WDR90: variants seen among roughly 807,000 people sequenced by gnomAD.
WDR90 encodes WD repeat domain 90.
In WDR90, 238 loss-of-function variants were observed where a neutral mutation model predicts 195.2. The ratio of observed to expected loss-of-function variants is 1.22; its 90% CI spans 1.10 to 1.36. WDR90 has a LOEUF of 1.36. WDR90 is among the 40% of genes most tolerant of loss of function. The pLI is 0.00. For missense variants in WDR90, 2,734 were observed against 2,439.5 expected (o/e 1.12, Z -2.54); for synonymous variants, 1,265 against 1,052.4 (o/e 1.20, Z -3.91).
chr16:653,539 G>T lies in WDR90; in HGVS notation c.1248G>T (p.Ala416=), dbSNP rs200811440. 6.2e-7 allele frequency: 1 copy of T among 1,613,308 alleles called. No individual in the cohort carries two copies. Among genetic ancestry groups the T allele is most frequent in the Admixed American group, 1.7e-5 (1 of 60,020 alleles). Residue 416 remains alanine, a synonymous_variant, in exon 12 of 41, where the codon GCG becomes GCT. Coordinates refer to ENST00000293879, the MANE Select transcript of WDR90 (RefSeq NM_145294.5). ...LGHTDKVSAL[A]LDGSSSLLAS... ...CTGCCTCCTAGGTCTCCGCCCTGGC[G>T]CTGGATGGCAGCAGCTCACTATTGG...
At position 657,112 on chromosome 16, in the gene WDR90, C is replaced by T. The variant is rs45606031; in HGVS notation, c.2364C>T (p.Thr788=). 5.5e-5 allele frequency: 87 copies of T among 1,591,178 alleles called. No homozygotes were observed. The highest frequency in any genetic ancestry group is 5.6e-5 in the Non-Finnish European group (66 of 1,171,670). ...VEHTCHRGAV[T]GLTATPDGRL... is the part of the protein sequence containing the mutation. ...GCAGGTGCCACCGAGGAGCTGTCAC[C>T]GGCCTGACCGCCACCCCTGACGGCC... The change falls in exon 20 of 41, where the codon ACC becomes ACT. Residue 788 remains threonine, a synonymous_variant. Transcript: ENST00000293879.
chr16:654,627 TTTTG>T (rs1567215747), intron 13 of WDR90: 6 of 175,076 alleles, frequency 3.4e-5, no homozygotes, highest in Middle Eastern at 2.5e-3. Context: ...TTTTTTAACT[TTTTG>T]TAGAGATAGG....
In WDR90 at chr16:660,667, G is replaced by T. The variant is rs995342315; in HGVS notation, c.3344G>T (p.Gly1115Val). ...TGGCTGCGTCTGAAGGCTGTCGTCG[G>T]TTACAGCGGGAATGGGCGGGCCAAC... ...GGWLRLKAVV[G>V]YSGNGRANMV... The change falls in exon 28 of 41, where the codon GGT becomes GTT. Residue 1115 changes from glycine (G) to valine (V), a missense_variant. By Grantham distance (109) the Gly-to-Val change is moderately radical. Coordinates refer to ENST00000293879, the MANE Select transcript of WDR90 (RefSeq NM_145294.5). 6.3e-7 allele frequency: 1 copy of T among 1,582,186 alleles called. No individual in the cohort carries two copies. The highest frequency in any genetic ancestry group is 1.8e-5 in the Admixed American group (1 of 55,972).
In WDR90 at chr16:660,064, G is replaced by C. The variant is rs1282776098; in HGVS notation, c.3191G>C (p.Arg1064Thr). 14 of 1,543,692 alleles carry C rather than the reference G, an allele frequency of 9.1e-6. No individual in the cohort carries two copies. The South Asian group carries it at 1.4e-4, about 16-fold the overall frequency. The part of the protein sequence containing the change: ...ARPPEGGDGA[R>T]DTRNSGAPRT... ...TCTGCCTCCTCCCTGCCAGGCGCCA[G>C]GGACACCAGGAATTCGGGGGCCCCA... Residue 1064 changes from arginine (R) to threonine (T), a missense_variant, in exon 27 of 41, where the codon AGG becomes ACG. Transcript: ENST00000293879.
chr16:657,053 C>T (rs368641158), intron 19 of WDR90, 38 bp from the exon 20 acceptor site: 49 of 1,590,366 alleles, frequency 3.1e-5, no homozygotes, highest in Middle Eastern at 1.8e-4. Context: ...ACCTGGGCTT[C>T]GGGGCTAGGG....
Position 655,336 on chromosome 16 carries a change from G to A in WDR90, c.1586G>A (p.Arg529Gln), listed in dbSNP as rs1207134175. ...RMASCGQGSV[R>Q]LWRLRGGVLR... ...GCGTCGTGCGGGCAGGGCAGTGTGC[G>A]GCTCTGGCGGCTGCGTGGCGGGGTG... The change falls in exon 15 of 41, where the codon CGG becomes CAG. Residue 529 changes from arginine to glutamine, a missense_variant. By Grantham distance (43) the Arg-to-Gln change is conservative. Transcript: ENST00000293879. The A allele has an allele frequency of 8.7e-6, 14 of 1,603,590 alleles. No individual in the cohort carries two copies. The highest frequency in any genetic ancestry group is 2.2e-5 in the East Asian group (1 of 44,842).
intron 35 of WDR90, 50 bp downstream of exon 35, chr16:665,851 G>T (rs762491704): frequency 6.4e-7 from 1 of 1,553,082 alleles, no homozygotes; most frequent in Non-Finnish European, 8.7e-7. Context: ...CTGCTCAGTG[G>T]GGGGCCTGGC....
chr16:656,299 C>T lies in WDR90; in HGVS notation c.1967-3C>T, dbSNP rs1319660590. 1.9e-6 allele frequency: 3 copies of T among 1,603,162 alleles called. No homozygotes were observed. In the East Asian group the frequency reaches 6.7e-5, roughly 36 times the overall value. On this transcript the variant is annotated splice_region_variant and splice_polypyrimidine_tract_variant and intron_variant, in intron 17 of 40. Coordinates refer to ENST00000293879, the MANE Select transcript of WDR90 (RefSeq NM_145294.5). ...GAGGCCCCTGACCCCACCCCACCCA[C>T]AGAGCACGAGGGCCCCGTCAGCTCA...
At position 658,278 on chromosome 16, in the gene WDR90, G is replaced by A. The variant is rs1475555946; in HGVS notation, c.2700G>A (p.Leu900=). The A allele has an allele frequency of 6.2e-7, 1 of 1,612,532 alleles. No individual in the cohort carries two copies. Among genetic ancestry groups the A allele is most frequent in the Non-Finnish European group, 8.5e-7 (1 of 1,179,902 alleles). The change falls in exon 22 of 41, where the codon CTG becomes CTA. Residue 900 remains leucine, a synonymous_variant. Coordinates refer to ENST00000293879, the MANE Select transcript of WDR90 (RefSeq NM_145294.5). ...TTGGCCCTGCAGCTCTGGGCCACCT[G>A]CTGGTGTCCACCTCGTCCAACAGAG... is the stretch of plus-strand genomic sequence containing the variant. ...VCFGPAALGH[L]LVSTSSNRVV...
chr16:660,233 C>T (rs771945031), intron 27 of WDR90, 72 bp downstream of exon 27: 33 of 1,357,860 alleles, frequency 2.4e-5, no homozygotes, highest in Non-Finnish European at 3.2e-5. Flanking sequence ...CTCCCCAGCA[C>T]CTCCTCAGGG....
chr16:659,188 C>T (rs1193752790), intron 25 of WDR90, 57 bp from the exon 26 acceptor site: 3 of 1,610,352 alleles, frequency 1.9e-6, no homozygotes, highest in East Asian at 2.2e-5. Flanking sequence ...CGTCCTGTGT[C>T]TGCCTAGTGG....
At position 661,059 on chromosome 16, in the gene WDR90, G is replaced by T. The variant is rs1049128523; in HGVS notation, c.3400G>T (p.Ala1134Ser). The change falls in exon 29 of 41, where the codon GCC becomes TCC. Residue 1134 changes from alanine (A) to serine (S), a missense_variant. Ala to Ser is a moderately conservative substitution (Grantham distance 99). Transcript: ENST00000293879. The part of the protein sequence containing the change: ...MVWRPDTGFF[A>S]YTCGRLVVVE... ...GCCCTCTCTGCGCACAGGCTTCTTT[G>T]CCTACACGTGCGGCCGCCTGGTGGT... is the stretch of plus-strand genomic sequence containing the variant. 7 of 1,363,906 alleles carry T rather than the reference G, an allele frequency of 5.1e-6. No individual in the cohort carries two copies. Among genetic ancestry groups the T allele is most frequent in the Non-Finnish European group, 6.5e-6 (7 of 1,078,174 alleles). The allele number at this position is 1,363,906 out of a possible 1,614,324, so 84.5% of individuals were successfully genotyped here.
chr16:662,253 G>A lies in WDR90; in HGVS notation c.4067G>A (p.Ser1356Asn), dbSNP rs751073016. The A allele has an allele frequency of 6.9e-6, 11 of 1,583,714 alleles. No individual in the cohort carries two copies. The highest frequency in any genetic ancestry group is 8.6e-7 in the Non-Finnish European group (1 of 1,166,226). The change falls in exon 33 of 41, where the codon AGC (serine) becomes AAC (asparagine). Residue 1356 changes from serine (S) to asparagine (N), a missense_variant. Coordinates refer to ENST00000293879, the MANE Select transcript of WDR90 (RefSeq NM_145294.5). Reference sequence around the variant, plus strand: ...CTGTTCTCGGGTTCTCGATTGGTCAGCGGCAGCAGCACGGGGCGGCTGCGC... The same window carrying A: ...CTGTTCTCGGGTTCTCGATTGGTCAACGGCAGCAGCACGGGGCGGCTGCGC... ...LLLFSGSRLV[S>N]GSSTGRLRLW...
At position 665,771 on chromosome 16, in the gene WDR90, G is replaced by A; in HGVS notation, c.4404G>A (p.Glu1468=). ...GGGTGTGGGCCTTGGCCAGCATGGA[G>A]CTTGTGATCCAGTTCCAGGTGCTGA... is the stretch of plus-strand genomic sequence containing the variant. The part of the protein sequence containing the change: ...SVRVWALASM[E]LVIQFQVLNQ... The change falls in exon 35 of 41, where the codon GAG becomes GAA. Residue 1468 remains glutamate (E), a synonymous_variant. Coordinates refer to ENST00000293879, the MANE Select transcript of WDR90 (RefSeq NM_145294.5). 6.2e-7 allele frequency: 1 copy of A among 1,600,570 alleles called. No homozygotes were observed. The highest frequency in any genetic ancestry group is 8.5e-7 in the Non-Finnish European group (1 of 1,170,936).
Position 658,176 on chromosome 16 carries a change from C to T in WDR90, c.2605-7C>T, listed in dbSNP as rs201720954. The T allele has an allele frequency of 1.2e-4, 197 of 1,606,168 alleles. No individual in the cohort carries two copies. The East Asian group carries it at 4.2e-3, about 35-fold the overall frequency. The stretch of plus-strand genomic sequence containing the variant: ...CCTGACTGTCGGCCACTTACCACTA[C>T]CCCCAGCTGCTGCGAGTTGACATCG... On this transcript the variant is annotated splice_polypyrimidine_tract_variant and splice_region_variant and intron_variant, in intron 21 of 40. Transcript: ENST00000293879.
intron 23 of WDR90, 95 bp downstream of exon 23, chr16:658,748 A>G (rs2151274804): frequency 6.4e-7 from 1 of 1,559,858 alleles, no homozygotes; most frequent in East Asian, 2.3e-5. Context: ...CAGGGAGAGC[A>G]GAAGGTGAGG....
Position 657,801 on chromosome 16 carries a change from C to T in WDR90, c.2513C>T (p.Ala838Val). 2 of 1,557,832 alleles carry T rather than the reference C, an allele frequency of 1.3e-6. No individual in the cohort carries two copies. The highest frequency in any genetic ancestry group is 1.7e-6 in the Non-Finnish European group (2 of 1,151,214). Residue 838 changes from alanine to valine, a missense_variant, in exon 21 of 41, where the codon GCC becomes GTC. By Grantham distance (64) the Ala-to-Val change is moderately conservative. Coordinates refer to ENST00000293879, the MANE Select transcript of WDR90 (RefSeq NM_145294.5). ...CCGGATGCCCCCGCGAGCCCCAGCG[C>T]CCTGGCAGTCAGCAGGGATGGCCGC... ...VCPDAPASPSALAVSRDGRLL... is the reference protein window; with the variant it reads ...VCPDAPASPSVLAVSRDGRLL...
chr16:656,950 G>T, intron 19 of WDR90, 79 bp downstream of exon 19: 1 of 1,565,032 alleles, frequency 6.4e-7, no homozygotes, highest in Non-Finnish European at 8.7e-7. Context: ...TCATGTGCAG[G>T]ATGGCCAGTG....
rs781156309 is a variant in WDR90 at position 655,462 on chromosome 16, C to T, written c.1712C>T (p.Ala571Val). ...GACGGCTGCCCGGAGCCCTCGGCTG[C>T]CATGCTGTGAGTCCCTGCCCTTCCC... ...ARDGCPEPSA[A>V]MLFVCSRSGH... The change falls in exon 15 of 41, where the codon GCC becomes GTC. Residue 571 changes from alanine (A) to valine (V), a missense_variant. Physicochemically the swap from Ala to Val is moderately conservative, Grantham distance 64 (BLOSUM62 0). Coordinates refer to ENST00000293879, the MANE Select transcript of WDR90 (RefSeq NM_145294.5). The T allele has an allele frequency of 1.3e-6, 2 of 1,536,698 alleles. No individual in the cohort carries two copies. The highest frequency in any genetic ancestry group is 2.5e-5 in the South Asian group (2 of 80,972).
Sources: gnomAD v4.1 joint callset for allele counts on GRCh38, gnomAD v4.1.1 for gene constraint, MANE v1.5 for transcripts, NCBI Gene and HGNC (gene_info 2026-07-23, HGNC 2026-07-21) for gene names.